Variants in ACOXL observed in about 807,000 individuals in gnomAD.
The protein encoded by ACOXL is acyl-CoA oxidase like.
Under a neutral mutation model 71.9 loss-of-function variants are expected in ACOXL, and 70 were observed. That is an observed-to-expected ratio of 0.97 (90% CI 0.80 to 1.19). ACOXL has a LOEUF of 1.19. Ranked by LOEUF, ACOXL falls within the 50% of genes most tolerant of loss-of-function variation. The pLI is 0.00. For synonymous variants in ACOXL, 253 were observed against 281.6 expected (o/e 0.90, Z 1.02); for missense variants, 703 against 736.3 (o/e 0.95, Z 0.52).
chr2:111,019,579 A>G (rs1226366905), intron 14 of ACOXL, among the ~76,000 whole-genome samples: 1 of 152,252 alleles, frequency 6.6e-6, no homozygotes, highest in Non-Finnish European at 1.5e-5. Flanking sequence ...CAACAGGGAA[A>G]AGTTTCAGAA....
chr2:110,940,632 A>G (rs1035215284), intron 12 of ACOXL, among the ~76,000 whole-genome samples: 1 of 152,250 alleles, frequency 6.6e-6, no homozygotes, highest in African/African-American at 2.4e-5. Context: ...TCATGGTCCC[A>G]GCACTGCTGC....
chr2:110,863,279 T>C, intron 10 of ACOXL, among the ~76,000 whole-genome samples: 1 of 152,234 alleles, frequency 6.6e-6, no homozygotes, highest in East Asian at 1.9e-4. Context: ...TGTAGAGTTT[T>C]TAATAACATG....
At chr2:110,804,761 G>C (rs1387817426) in intron 8 of ACOXL, among the ~76,000 whole-genome samples, 1 of 152,064 alleles carries the variant, frequency 6.6e-6, no homozygotes, top group Non-Finnish European at 1.5e-5. Context: ...TTCCATCTAT[G>C]TGAATTTTTT....
Position 110,971,675 on chromosome 2 carries a change from C to T in ACOXL, c.1060-15433C>T, listed in dbSNP as rs897587053. Among the ~76,000 whole-genome samples the T allele has an allele frequency of 3.3e-5, 5 of 152,246 alleles. No individual in the cohort carries two copies. In the East Asian group the frequency reaches 5.8e-4, roughly 18 times the overall value. ...GGACAGTGGCATGTAGTGGCAGCTC[C>T]CCATTCCCTCTTAGCTTTTAGCAAT... is the stretch of plus-strand genomic sequence containing the variant. On this transcript the variant is annotated intron_variant, in intron 12 of 17. Coordinates refer to ENST00000439055, the MANE Select transcript of ACOXL (RefSeq NM_001142807.4).
intron 13 of ACOXL, among the ~76,000 whole-genome samples, chr2:110,988,461 A>G (rs2063031134): frequency 6.6e-6 from 1 of 151,816 alleles, no homozygotes; most frequent in Non-Finnish European, 1.5e-5. Flanking sequence ...ACTGACCCCA[A>G]CCCTTAAACT....
chr2:110,899,557 G>A (rs2059144433), intron 10 of ACOXL, among the ~76,000 whole-genome samples: 1 of 152,124 alleles, frequency 6.6e-6, no homozygotes, highest in Non-Finnish European at 1.5e-5. Flanking sequence ...AAGGTGCTGG[G>A]GCTTCTGCAA....
intron 9 of ACOXL, among the ~76,000 whole-genome samples, chr2:110,829,498 A>C (rs972811688): frequency 6.6e-6 from 1 of 152,210 alleles, no homozygotes; most frequent in African/African-American, 2.4e-5. Flanking sequence ...CTCAGGATGT[A>C]CTATCACCAA....
At chr2:111,071,784 G>A (rs769991928) in intron 16 of ACOXL, among the ~76,000 whole-genome samples, 10 of 152,156 alleles carry the variant, frequency 6.6e-5, no homozygotes, top group East Asian at 3.8e-4. Flanking sequence ...AACTCCCTTC[G>A]TTCTGTTGTT....
intron 16 of ACOXL, among the ~76,000 whole-genome samples, chr2:111,082,127 A>G (rs897747128): frequency 6.6e-6 from 1 of 152,232 alleles, no homozygotes; most frequent in African/African-American, 2.4e-5. Context: ...CTTCATGACT[A>G]AAACACCAAA....
intron 2 of ACOXL, among the ~76,000 whole-genome samples, chr2:110,782,976 G>A (rs1012575235): frequency 1.3e-5 from 2 of 152,158 alleles, no homozygotes; most frequent in African/African-American, 4.8e-5. Context: ...GGGGTGGACC[G>A]ATGAGGAAGG....
intron 14 of ACOXL, among the ~76,000 whole-genome samples, chr2:111,030,815 T>A (rs1045121708): frequency 2.0e-5 from 3 of 152,222 alleles, no homozygotes; most frequent in Non-Finnish European, 4.4e-5. Flanking sequence ...AAGAAAAGTT[T>A]TACGGGCCAC....
chr2:110,922,838 G>A (rs533586239), intron 11 of ACOXL, among the ~76,000 whole-genome samples: 84 of 152,272 alleles, frequency 5.5e-4, no homozygotes, highest in Non-Finnish European at 9.8e-4. Flanking sequence ...CCCTTACCAT[G>A]TGCCATTCAT....
At chr2:111,032,931 A>G in intron 15 of ACOXL, among the ~76,000 whole-genome samples, 1 of 152,224 alleles carries the variant, frequency 6.6e-6, no homozygotes, top group African/African-American at 2.4e-5. Flanking sequence ...TTAGGCTCAG[A>G]CTGAGCCCAG....
intron 9 of ACOXL, among the ~76,000 whole-genome samples, chr2:110,827,487 G>A (rs1689301143): frequency 6.6e-6 from 1 of 152,210 alleles, no homozygotes. Flanking sequence ...GTGGCTGGAA[G>A]GGGCAGGTGA....
chr2:110,974,395 A>G (rs897954018), intron 12 of ACOXL, among the ~76,000 whole-genome samples: 1 of 152,130 alleles, frequency 6.6e-6, no homozygotes, highest in African/African-American at 2.4e-5. Flanking sequence ...GCAAGATGGA[A>G]AGTTTTCTGA....
intron 13 of ACOXL, among the ~76,000 whole-genome samples, chr2:110,989,721 C>T (rs1366538395): frequency 6.6e-6 from 1 of 152,134 alleles, no homozygotes; most frequent in Non-Finnish European, 1.5e-5. Flanking sequence ...GGTGAACGTA[C>T]TTAATACCAC....
intron 17 of ACOXL, among the ~76,000 whole-genome samples, chr2:111,117,333 C>T (rs1012037247): frequency 2.0e-5 from 3 of 152,172 alleles, no homozygotes; most frequent in Non-Finnish European, 4.4e-5. Flanking sequence ...CTCGAGTTCC[C>T]GGCTAATTTG....
At chr2:111,022,575 A>G (rs1471064309) in intron 14 of ACOXL, among the ~76,000 whole-genome samples, 2 of 152,066 alleles carry the variant, frequency 1.3e-5, no homozygotes, top group Non-Finnish European at 2.9e-5. Flanking sequence ...ATCTGTCAGG[A>G]TACCCCCAAG....
chr2:111,031,576 G>C (rs779083959), intron 14 of ACOXL, 51 bp from the exon 15 acceptor site: 4 of 1,532,986 alleles, frequency 2.6e-6, no homozygotes, highest in Non-Finnish European at 9.0e-7. Context: ...TATTAAGTTA[G>C]ACTCTCTCAC....
Sources: gnomAD v4.1 joint callset for allele counts (sites outside exome capture counted in the v4.1 genomes callset) on GRCh38, gnomAD v4.1.1 for gene constraint, MANE v1.5 for transcripts, NCBI Gene and HGNC (gene_info 2026-07-23, HGNC 2026-07-21) for gene names.